SEC24B: variants seen among roughly 807,000 people sequenced by gnomAD.
The protein encoded by SEC24B is protein transport protein Sec24B.
In SEC24B, 45 loss-of-function variants were observed where a neutral mutation model predicts 142.8. The ratio of observed to expected loss-of-function variants is 0.32; its 90% CI spans 0.25 to 0.40. The LOEUF (loss-of-function observed/expected upper bound fraction) is 0.40. Ranked by LOEUF, SEC24B falls within the 10% of genes least tolerant of loss-of-function variation. The pLI, the probability that SEC24B is intolerant of heterozygous loss-of-function variation, is 1.00. For missense variants in SEC24B, 1,409 were observed against 1,526.8 expected (o/e 0.92, Z 1.29); for synonymous variants, 574 against 568.2 (o/e 1.01, Z -0.15).
At position 109,526,339 on chromosome 4, in the gene SEC24B, A is replaced by G; in HGVS notation, c.2905A>G (p.Ser969Gly). The change falls in exon 17 of 24, where the codon AGT becomes GGT. Residue 969 changes from serine (S) to glycine (G), a missense_variant. Physicochemically the swap from Ser to Gly is moderately conservative, Grantham distance 56 (BLOSUM62 0). Transcript: ENST00000265175. ...TGCGGTGCAGTTGTCAATTGAAGAA[A>G]GTTTAACAGATACTTCCTTAGTATG... is the stretch of plus-strand genomic sequence containing the variant. ...GFAVQLSIEE[S>G]LTDTSLVCFQ... The G allele has an allele frequency of 6.2e-7, 1 of 1,614,020 alleles. No individual in the cohort carries two copies. Among genetic ancestry groups the G allele is most frequent in the Non-Finnish European group, 8.5e-7 (1 of 1,179,920 alleles).
At position 109,494,647 on chromosome 4, in the gene SEC24B, C is replaced by G. The variant is rs774407665; in HGVS notation, c.1279C>G (p.Pro427Ala). 19 of 1,614,080 alleles carry G rather than the reference C, an allele frequency of 1.2e-5. No individual in the cohort carries two copies. The East Asian group carries it at 4.2e-4, about 36-fold the overall frequency. ...TTCTTCATCAGCAAGCAGTCCTGCT[C>G]CTGATCCCGCCCCTGAACCTGATCC... ...MLSSSASSPA[P>A]DPAPEPDPAS... Residue 427 changes from proline (P) to alanine (A), a missense_variant, in exon 6 of 24, where the codon CCT (proline) becomes GCT (alanine). By Grantham distance (27) the Pro-to-Ala change is conservative. This residue lies in a region of SEC24B where 709 missense variants were observed against 673.5 expected (regional missense o/e 1.05). Transcript: ENST00000265175.
Position 109,433,864 on chromosome 4 carries a change from G to C in SEC24B, c.-6G>C. ...AAGCGGAGCCGCCGTCGCCACCAGC[G>C]CCGTCATGTCGGCCCCCGCCGGGTC... On this transcript the variant is annotated 5_prime_UTR_variant, in exon 1 of 24. Transcript: ENST00000265175. 1 of 1,326,832 alleles carries C rather than the reference G, an allele frequency of 7.5e-7. No homozygotes were observed. The allele number at this position is 1,326,832 out of a possible 1,614,324, so 82.2% of individuals were successfully genotyped here. A position where few individuals can be genotyped will look rare whatever the true frequency, so the allele number is the denominator to read the frequency against.
intron 2 of SEC24B, among the ~76,000 whole-genome samples, chr4:109,466,065 GTTAT>G (rs1185894047): frequency 1.3e-5 from 2 of 152,054 alleles, no homozygotes; most frequent in African/African-American, 2.4e-5. Flanking sequence ...AAAAAAAGAG[GTTAT>G]TTTAAAAATC....
chr4:109,498,360 A>G (rs1457485008), intron 6 of SEC24B, among the ~76,000 whole-genome samples: 2 of 152,156 alleles, frequency 1.3e-5, no homozygotes, highest in South Asian at 2.1e-4. Context: ...TTTTAAAAGA[A>G]GCCTTTTTTT....
At chr4:109,486,082 G>A (rs540149713) in intron 4 of SEC24B, among the ~76,000 whole-genome samples, 1 of 152,292 alleles carries the variant, frequency 6.6e-6, no homozygotes, top group East Asian at 1.9e-4. Flanking sequence ...GGAGATAGAG[G>A]GAAGAGAGAA....
At chr4:109,474,473 T>C (rs1353524000) in intron 3 of SEC24B, among the ~76,000 whole-genome samples, 1 of 151,508 alleles carries the variant, frequency 6.6e-6, no homozygotes, top group African/African-American at 2.4e-5. Flanking sequence ...CACCCGGGGT[T>C]GAGTGCAGTG....
chr4:109,512,365 G>A (rs1737432146), intron 9 of SEC24B, among the ~76,000 whole-genome samples: 1 of 152,138 alleles, frequency 6.6e-6, no homozygotes, highest in South Asian at 2.1e-4. Context: ...GCTTGTCCCT[G>A]ACAGTAAGAT....
chr4:109,437,608 G>A (rs1264860421), intron 1 of SEC24B, among the ~76,000 whole-genome samples: 1 of 152,048 alleles, frequency 6.6e-6, no homozygotes, highest in African/African-American at 2.4e-5. Context: ...TCTTTTACAA[G>A]TGGTTAGCAA....
intron 19 of SEC24B, among the ~76,000 whole-genome samples, 180 bp downstream of exon 19, chr4:109,530,644 G>A (rs1437592488): frequency 6.6e-6 from 1 of 152,146 alleles, no homozygotes. Context: ...GCTCACGCCT[G>A]TAATCCCAGC....
At chr4:109,493,158 G>A (rs1561131764) in intron 5 of SEC24B, among the ~76,000 whole-genome samples, 1 of 152,060 alleles carries the variant, frequency 6.6e-6, no homozygotes, top group Non-Finnish European at 1.5e-5. Flanking sequence ...ATCCTTTTAA[G>A]AAGTCTGGGA....
At chr4:109,506,202 C>A in intron 6 of SEC24B, 126 bp from the exon 7 acceptor site, 1 of 535,444 alleles carries the variant, frequency 1.9e-6, no homozygotes. Flanking sequence ...AGATTGACTG[C>A]ATACCAAGCC....
intron 1 of SEC24B, among the ~76,000 whole-genome samples, chr4:109,441,996 A>G (rs541488032): frequency 5.3e-5 from 8 of 152,296 alleles, no homozygotes; most frequent in South Asian, 4.1e-4. Flanking sequence ...GCATTATGAT[A>G]ACCTAGGATA....
Position 109,494,704 on chromosome 4 carries a change from G to C in SEC24B, c.1336G>C (p.Ala446Pro). ...TGCTCCAGCTCCAGCTTCAGCTCCA[G>C]CTCCTGTCGTCCCTCAGCCTTCAAA... Reference protein sequence around the residue: ...ASAPAPASAPAPVVPQPSKMA... With the variant: ...ASAPAPASAPPPVVPQPSKMA... The change falls in exon 6 of 24, where the codon GCT becomes CCT. Residue 446 changes from alanine (A) to proline (P), a missense_variant. By Grantham distance (27) the Ala-to-Pro change is conservative. This residue lies in a region of SEC24B where 709 missense variants were observed against 673.5 expected (regional missense o/e 1.05). Coordinates refer to ENST00000265175, the MANE Select transcript of SEC24B (RefSeq NM_006323.5). 6.2e-7 allele frequency: 1 copy of C among 1,614,172 alleles called. No individual in the cohort carries two copies. Among genetic ancestry groups the C allele is most frequent in the Non-Finnish European group, 8.5e-7 (1 of 1,180,036 alleles).
intron 1 of SEC24B, among the ~76,000 whole-genome samples, chr4:109,449,198 ACAT>A (rs1475463223): frequency 6.6e-6 from 1 of 151,992 alleles, no homozygotes; most frequent in African/African-American, 2.4e-5. Flanking sequence ...CTATATTGAA[ACAT>A]CATTGACTGA....
chr4:109,513,429 G>A (rs1428305398), intron 9 of SEC24B, among the ~76,000 whole-genome samples: 1 of 151,670 alleles, frequency 6.6e-6, no homozygotes, highest in African/African-American at 2.4e-5. Flanking sequence ...GATTACAGGC[G>A]CACACCACTA....
At chr4:109,509,944 T>C in intron 7 of SEC24B, 65 bp from the exon 8 acceptor site, 1 of 935,732 alleles carries the variant, frequency 1.1e-6, no homozygotes, top group African/African-American at 1.7e-5. Flanking sequence ...CTTAGTTATC[T>C]TATCTACTTC....
chr4:109,472,432 G>T (rs944532260), intron 2 of SEC24B, among the ~76,000 whole-genome samples: 3 of 152,126 alleles, frequency 2.0e-5, no homozygotes, highest in Non-Finnish European at 4.4e-5. Context: ...GTTCAACCTC[G>T]TATTATGGTT....
intron 1 of SEC24B, among the ~76,000 whole-genome samples, chr4:109,446,413 A>G (rs1729467390): frequency 6.6e-6 from 1 of 152,218 alleles, no homozygotes; most frequent in African/African-American, 2.4e-5. Context: ...GTCCAAAGGG[A>G]ACCAGCCCTG....
At chr4:109,457,979 A>T (rs1730862381) in intron 1 of SEC24B, among the ~76,000 whole-genome samples, 1 of 152,162 alleles carries the variant, frequency 6.6e-6, no homozygotes, top group Admixed American at 6.5e-5. Context: ...GGATGTGTAC[A>T]TAATCTTTTA....
Sources: allele counts gnomAD v4.1 joint callset (sites outside exome capture counted in the v4.1 genomes callset), GRCh38; gene constraint gnomAD v4.1.1; regional missense constraint gnomAD v4.1.1; transcripts MANE v1.5; gene names NCBI Gene and HGNC (gene_info 2026-07-23, HGNC 2026-07-21).